KLHL4: variants seen among roughly 807,000 people sequenced by gnomAD.
KLHL4 encodes kelch like family member 4.
A neutral mutation model predicts 45.8 loss-of-function variants in KLHL4; 17 were observed. That is an observed-to-expected ratio of 0.37 (90% CI 0.25 to 0.56). The LOEUF is 0.56. KLHL4 is among the 20% of genes least tolerant of loss of function. The probability of loss-of-function intolerance (pLI) is 0.79; values close to 1 mark genes in which losing one functional copy is unlikely to be tolerated. For missense variants in KLHL4, 544 were observed against 544.9 expected, an observed-to-expected ratio of 1.00 and a Z score of 0.02; for synonymous variants, 224 against 189.9, an observed-to-expected ratio of 1.18 and a Z score of -1.47.
rs182412615 is a variant in KLHL4 at position 87,600,340 on chromosome X, C to T, written c.423-13537C>T. Reference sequence around the variant, plus strand: ...CTACTAAAAATACAAAAAAATTAGCCGGGCGTGGTGGCGGGCACCTGTAGT... The same window carrying T: ...CTACTAAAAATACAAAAAAATTAGCTGGGCGTGGTGGCGGGCACCTGTAGT... On this transcript the variant is annotated intron_variant, in intron 1 of 10. Transcript: ENST00000373119. Among the ~76,000 whole-genome samples, 271 of 110,803 alleles carry T rather than the reference C, an allele frequency of 2.4e-3. 2 individuals are homozygous for T. The highest frequency in any genetic ancestry group is 8.7e-3 in the African/African-American group (267 of 30,515).
chrX:87,562,257 G>A (rs1040240887), intron 1 of KLHL4, among the ~76,000 whole-genome samples: 1 of 110,492 alleles, frequency 9.1e-6, no homozygotes, highest in African/African-American at 3.3e-5. Flanking sequence ...AAAGGACTTT[G>A]GCTTTTCACT....
intron 9 of KLHL4, among the ~76,000 whole-genome samples, chrX:87,660,470 TG>T (rs1258137406): frequency 8.9e-6 from 1 of 112,103 alleles, no homozygotes; most frequent in African/African-American, 3.2e-5. Flanking sequence ...TTACTATATT[TG>T]GGAAAAAATG....
chrX:87,574,292 G>A (rs1468700711), intron 1 of KLHL4, among the ~76,000 whole-genome samples: 1 of 111,379 alleles, frequency 9.0e-6, no homozygotes, highest in African/African-American at 3.3e-5. Flanking sequence ...CATTTAAACC[G>A]AAAATGTGTC....
At chrX:87,596,137 G>C (rs1921832529) in intron 1 of KLHL4, among the ~76,000 whole-genome samples, 1 of 111,423 alleles carries the variant, frequency 9.0e-6, no homozygotes, top group Non-Finnish European at 1.9e-5. Flanking sequence ...CCATAAATAA[G>C]TTTCCCGAAG....
chrX:87,524,991 TA>T (rs1211079818), intron 1 of KLHL4, among the ~76,000 whole-genome samples: 1 of 111,882 alleles, frequency 8.9e-6, no homozygotes, highest in African/African-American at 3.2e-5. Context: ...GGCAACTAGT[TA>T]ACGTAATACT....
At chrX:87,519,140 T>G (rs1930951658) in intron 1 of KLHL4, among the ~76,000 whole-genome samples, 1 of 112,084 alleles carries the variant, frequency 8.9e-6, no homozygotes, top group African/African-American at 3.2e-5. Context: ...ATCTCTTTGT[T>G]TTTTGCTTTT....
intron 1 of KLHL4, among the ~76,000 whole-genome samples, chrX:87,607,246 T>A (rs917252334): frequency 9.0e-6 from 1 of 111,147 alleles, no homozygotes; most frequent in African/African-American, 3.3e-5. Context: ...AATAACATGT[T>A]GCACCCTAGC....
At chrX:87,547,595 G>T (rs1428999199) in intron 1 of KLHL4, among the ~76,000 whole-genome samples, 1 of 111,082 alleles carries the variant, frequency 9.0e-6, no homozygotes, top group Admixed American at 9.6e-5. Flanking sequence ...GGCTGAGGCG[G>T]GTGGATCATG....
At chrX:87,595,885 C>T (rs1238076109) in intron 1 of KLHL4, among the ~76,000 whole-genome samples, 1 of 110,922 alleles carries the variant, frequency 9.0e-6, no homozygotes, top group Non-Finnish European at 1.9e-5. Context: ...GGATGTTGTC[C>T]CCACCCAAAT....
At position 87,589,056 on chromosome X, in the gene KLHL4, G is replaced by A; in HGVS notation, c.423-24821G>A. On this transcript the variant is annotated intron_variant, in intron 1 of 10. Transcript: ENST00000373119. The stretch of plus-strand genomic sequence containing the variant: ...AGACAAGAAACAGTTATATGAGAAG[G>A]TGCTCAACATCATTGATCATCAGAG... Among the ~76,000 whole-genome samples the A allele has an allele frequency of 2.7e-5, 3 of 111,155 alleles. No homozygotes were observed. The South Asian group carries it at 1.1e-3, about 42-fold the overall frequency.
chrX:87,622,725 T>C (rs867124922), intron 5 of KLHL4, among the ~76,000 whole-genome samples: 3 of 103,424 alleles, frequency 2.9e-5, no homozygotes, highest in African/African-American at 7.1e-5. Context: ...TTTTTTTTTT[T>C]CCTGCACAAC....
intron 1 of KLHL4, among the ~76,000 whole-genome samples, chrX:87,600,987 T>C (rs182371988): frequency 1.7e-4 from 19 of 111,816 alleles, no homozygotes; most frequent in South Asian, 3.8e-4. Flanking sequence ...CTCTGTGTCC[T>C]CACCCTAATC....
intron 9 of KLHL4, among the ~76,000 whole-genome samples, chrX:87,659,420 AT>A (rs1393064924): frequency 9.1e-6 from 1 of 110,097 alleles, no homozygotes; most frequent in Non-Finnish European, 1.9e-5. Flanking sequence ...GCCCGGCCTC[AT>A]TTTTCTTTAT....
chrX:87,666,655 G>T lies in KLHL4; in HGVS notation c.*121G>T. 2.0e-6 allele frequency: 2 copies of T among 1,007,870 alleles called. No individual in the cohort carries two copies. Among genetic ancestry groups the T allele is most frequent in the Non-Finnish European group, 2.5e-6 (2 of 792,094 alleles). The allele number at this position is 1,007,870 out of a possible 1,213,427, so 83.1% of individuals were successfully genotyped here. ...TTAATAATCAGACTGGAAAATTGTT[G>T]TATCATTTTAATTTGTAGTTACAAT... On this transcript the variant is annotated 3_prime_UTR_variant, in exon 11 of 11. Transcript: ENST00000373119.
In KLHL4 at chrX:87,666,897, T is replaced by G; in HGVS notation, c.*363T>G. ...CATTTCAAGGTAAGAGCCTTAAAAGTTAAAAACATTTTCAGTTTTTTTTTA... is the reference window on the plus strand; with the variant it reads ...CATTTCAAGGTAAGAGCCTTAAAAGGTAAAAACATTTTCAGTTTTTTTTTA... On this transcript the variant is annotated 3_prime_UTR_variant, in exon 11 of 11. Transcript: ENST00000373119. The G allele has an allele frequency of 1.4e-6, 1 of 717,313 alleles. No individual in the cohort carries two copies. The highest frequency in any genetic ancestry group is 1.7e-6 in the Non-Finnish European group (1 of 605,480). 59.1% of individuals were successfully genotyped at this position (717,313 alleles called of 1,213,427 possible). A position where few individuals can be genotyped will look rare whatever the true frequency, so the allele number is the denominator to read the frequency against.
intron 9 of KLHL4, among the ~76,000 whole-genome samples, chrX:87,654,482 T>C (rs1387362792): frequency 1.4e-5 from 1 of 73,594 alleles, no homozygotes; most frequent in Non-Finnish European, 2.9e-5. Context: ...TTCCATGGTG[T>C]ATGTATATGT....
intron 5 of KLHL4, among the ~76,000 whole-genome samples, 187 bp downstream of exon 5, chrX:87,622,610 C>T (rs764928024): frequency 7.5e-4 from 83 of 111,045 alleles, no homozygotes; most frequent in South Asian, 1.1e-3. Flanking sequence ...GAAAAAAACA[C>T]GGCTAAAAAA....
intron 1 of KLHL4, among the ~76,000 whole-genome samples, chrX:87,599,846 C>T (rs767717413): frequency 2.7e-4 from 30 of 111,695 alleles, no homozygotes; most frequent in Non-Finnish European, 5.3e-4. Flanking sequence ...CGGTGAAAAA[C>T]AAACCAAGAA....
intron 3 of KLHL4, among the ~76,000 whole-genome samples, chrX:87,615,540 T>G (rs1356563819): frequency 1.8e-5 from 2 of 111,437 alleles, no homozygotes; most frequent in African/African-American, 6.5e-5. Flanking sequence ...AATGTTCACA[T>G]AAGCATCATT....
Sources: allele counts gnomAD v4.1 joint callset (sites outside exome capture counted in the v4.1 genomes callset), GRCh38; gene constraint gnomAD v4.1.1; transcripts MANE v1.5; gene names NCBI Gene and HGNC (gene_info 2026-07-23, HGNC 2026-07-21).